Variants in CDH8 observed in about 807,000 individuals in gnomAD.
The protein encoded by CDH8 is cadherin 8, also known as cadherin-8.
In CDH8, 17 loss-of-function variants were observed where a neutral mutation model predicts 68.1. The ratio of observed to expected loss-of-function variants is 0.25; its 90% CI spans 0.17 to 0.37. The LOEUF is 0.37. Among genes scored for constraint, CDH8 ranks in the 10% least tolerant of loss-of-function variants. CDH8 has a pLI of 1.00. For missense variants in CDH8, 763 were observed against 999.3 expected (o/e 0.76, Z 3.19); for synonymous variants, 372 against 365.1 (o/e 1.02, Z -0.21).
chr16:61,695,170 C>A (rs1386709253), intron 10 of CDH8, among the ~76,000 whole-genome samples: 1 of 151,882 alleles, frequency 6.6e-6, no homozygotes, highest in East Asian at 1.9e-4. Context: ...AGAGGGGAAA[C>A]CATTTCTCAA....
rs186112292 is a variant in CDH8 at position 61,964,299 on chromosome 16, A to C, written c.252+56853T>G. On this transcript the variant is annotated intron_variant, in intron 2 of 11. Coordinates refer to ENST00000577390, the MANE Select transcript of CDH8 (RefSeq NM_001796.5). ...ATTCCAGTTCAGGGTTGAGGATGGC[A>C]GGATTCTAACCTGGCAGTTCAGGGC... 3.4e-3 allele frequency among the ~76,000 whole-genome samples: 520 copies of C among 152,338 alleles called. 3 individuals are homozygous for C. Among genetic ancestry groups the C allele is most frequent in the Non-Finnish European group, 5.0e-3 (340 of 68,024 alleles).
At chr16:61,740,723 A>G (rs1959848675) in intron 8 of CDH8, among the ~76,000 whole-genome samples, 1 of 152,208 alleles carries the variant, frequency 6.6e-6, no homozygotes, top group Non-Finnish European at 1.5e-5. Flanking sequence ...GCAGTACATC[A>G]GGCTTTTCCA....
chr16:61,971,689 C>T (rs1294018168), intron 2 of CDH8, among the ~76,000 whole-genome samples: 3 of 152,176 alleles, frequency 2.0e-5, no homozygotes, highest in Admixed American at 6.5e-5. Flanking sequence ...CCTCTTCCCT[C>T]CCTGGAGTTT....
intron 10 of CDH8, among the ~76,000 whole-genome samples, chr16:61,684,898 G>A (rs1323052005): frequency 1.3e-5 from 2 of 151,718 alleles, no homozygotes; most frequent in Non-Finnish European, 2.9e-5. Flanking sequence ...TAACTTTTCT[G>A]GTTAACTCCA....
At position 61,960,106 on chromosome 16, in the gene CDH8, T is replaced by C. The variant is rs867628889; in HGVS notation, c.253-58633A>G. Among the ~76,000 whole-genome samples, 14 of 129,474 alleles carry C rather than the reference T, an allele frequency of 1.1e-4. 1 individual carries two copies. The highest frequency in any genetic ancestry group is 1.6e-4 in the Non-Finnish European group (10 of 61,368). The allele number at this position is 129,474 out of a possible 152,430, so 84.9% of individuals were successfully genotyped here. A position where few individuals can be genotyped will look rare whatever the true frequency, so the allele number is the denominator to read the frequency against. The stretch of plus-strand genomic sequence containing the variant: ...ACATATATGTGTGTGTGTATACACA[T>C]ACATATATACATATGTGTGTGTGTA... On this transcript the variant is annotated intron_variant, in intron 2 of 11. Coordinates refer to ENST00000577390, the MANE Select transcript of CDH8 (RefSeq NM_001796.5).
intron 8 of CDH8, among the ~76,000 whole-genome samples, chr16:61,768,935 T>C (rs1960707096): frequency 6.6e-6 from 1 of 151,772 alleles, no homozygotes; most frequent in Non-Finnish European, 1.5e-5. Context: ...TTCACACACT[T>C]AAAAATTAAT....
At chr16:61,852,369 GCACTAGTAGTAC>G (rs1962954369) in intron 4 of CDH8, among the ~76,000 whole-genome samples, 1 of 152,038 alleles carries the variant, frequency 6.6e-6, no homozygotes, top group Non-Finnish European at 1.5e-5. Context: ...ATTATTAGCA[GCACTAGTAGTAC>G]CATCACAGTG....
At chr16:61,851,893 G>C (rs182985997) in intron 4 of CDH8, among the ~76,000 whole-genome samples, 60 of 152,034 alleles carry the variant, frequency 3.9e-4, no homozygotes, top group Non-Finnish European at 6.9e-4. Flanking sequence ...TATACTGCTT[G>C]AAAGTTAAGT....
At chr16:61,816,631 C>A (rs1465053460) in intron 7 of CDH8, among the ~76,000 whole-genome samples, 1 of 152,054 alleles carries the variant, frequency 6.6e-6, no homozygotes, top group Admixed American at 6.6e-5. Context: ...CATCATTAGC[C>A]AACACTTCAC....
At chr16:62,001,555 A>C (rs746880695) in intron 2 of CDH8, among the ~76,000 whole-genome samples, 1 of 152,190 alleles carries the variant, frequency 6.6e-6, no homozygotes, top group Non-Finnish European at 1.5e-5. Flanking sequence ...CTTGTCAGTG[A>C]TAATGATTTA....
At chr16:61,972,612 G>GTT (rs1965360901) in intron 2 of CDH8, among the ~76,000 whole-genome samples, 2 of 150,214 alleles carry the variant, frequency 1.3e-5, no homozygotes, top group East Asian at 3.9e-4. Context: ...GTGTGTGTGT[G>GTT]TTTAATTGGG....
At chr16:61,921,053 A>G (rs1398490924) in intron 2 of CDH8, among the ~76,000 whole-genome samples, 2 of 142,946 alleles carry the variant, frequency 1.4e-5, no homozygotes, top group South Asian at 2.2e-4. Context: ...GAATTGAACA[A>G]TGAGAACACA....
At chr16:61,807,178 T>C (rs1961806199) in intron 7 of CDH8, among the ~76,000 whole-genome samples, 1 of 151,240 alleles carries the variant, frequency 6.6e-6, no homozygotes, top group South Asian at 2.1e-4. Flanking sequence ...TGTAGGGACA[T>C]GGATGAAATT....
At chr16:61,996,480 A>G (rs576036411) in intron 2 of CDH8, among the ~76,000 whole-genome samples, 5 of 152,320 alleles carry the variant, frequency 3.3e-5, no homozygotes, top group African/African-American at 1.2e-4. Flanking sequence ...GTGCTCATCA[A>G]CAATAGGTTT....
intron 1 of CDH8, chr16:62,034,953 C>T (rs1472098638): frequency 6.6e-6 from 1 of 152,244 alleles, no homozygotes; most frequent in African/African-American, 2.4e-5. Context: ...AACGGCTAGT[C>T]CTTGACATGC....
chr16:61,653,001 G>T lies in CDH8; in HGVS notation c.*607C>A. On this transcript the variant is annotated 3_prime_UTR_variant, in exon 12 of 12. Coordinates refer to ENST00000577390, the MANE Select transcript of CDH8 (RefSeq NM_001796.5). ...CGAACATGTGAATATTTTAAGGCTCGACACAATATTTAAAGATGCTATTCA... is the reference window on the plus strand; with the variant it reads ...CGAACATGTGAATATTTTAAGGCTCTACACAATATTTAAAGATGCTATTCA... 6.9e-7 allele frequency: 1 copy of T among 1,458,766 alleles called. No individual in the cohort carries two copies. Among genetic ancestry groups the T allele is most frequent in the South Asian group, 1.5e-5 (1 of 68,730 alleles). The allele number at this position is 1,458,766 out of a possible 1,614,324, so 90.4% of individuals were successfully genotyped here.
chr16:61,988,356 A>G (rs530051266), intron 2 of CDH8, among the ~76,000 whole-genome samples: 47 of 152,242 alleles, frequency 3.1e-4, no homozygotes, highest in Non-Finnish European at 6.5e-4. Flanking sequence ...ATAGTCAGGG[A>G]CAGAATTAAT....
At chr16:61,674,298 C>T (rs1444686368) in intron 10 of CDH8, among the ~76,000 whole-genome samples, 2 of 151,778 alleles carry the variant, frequency 1.3e-5, no homozygotes, top group Non-Finnish European at 2.9e-5. Context: ...ACTAAAAATA[C>T]AAAAAATTAT....
At chr16:61,974,850 C>T (rs564140552) in intron 2 of CDH8, among the ~76,000 whole-genome samples, 2 of 152,172 alleles carry the variant, frequency 1.3e-5, no homozygotes, top group South Asian at 4.1e-4. Flanking sequence ...AGAATTTCTC[C>T]AAGTCCCCTA....
Sources: gnomAD v4.1 joint callset for allele counts (sites outside exome capture counted in the v4.1 genomes callset) on GRCh38, gnomAD v4.1.1 for gene constraint, MANE v1.5 for transcripts, NCBI Gene and HGNC (gene_info 2026-07-23, HGNC 2026-07-21) for gene names.